CCT4: variants seen among roughly 807,000 people sequenced by gnomAD.
CCT4 encodes the protein chaperonin containing TCP1 subunit 4, also known as T-complex protein 1 subunit delta.
In CCT4, 17 loss-of-function variants were observed where a neutral mutation model predicts 62.5. The ratio of observed to expected loss-of-function variants is 0.27; its 90% confidence interval spans 0.19 to 0.41. CCT4 has a LOEUF of 0.41. Ranked by LOEUF, CCT4 falls within the 10% of genes least tolerant of loss-of-function variation. CCT4 has a pLI of 1.00. For missense variants in CCT4, 592 were observed against 659.2 expected, an observed-to-expected ratio of 0.90 and a Z score of 1.12; for synonymous variants, 250 against 229.9, an observed-to-expected ratio of 1.09 and a Z score of -0.79.
chr2:61,873,642 T>TGCAACC (rs1668933039), intron 8 of CCT4, among the ~76,000 whole-genome samples: 1 of 152,166 alleles, frequency 6.6e-6, no homozygotes, highest in Non-Finnish European at 1.5e-5. Context: ...CTTGGCTCAC[T>TGCAACC]GCAACCTCAA....
At position 61,888,560 on chromosome 2, in the gene CCT4, T is replaced by C; in HGVS notation, c.-53A>G. ...TCGGGAAGGACGGATGGACCCGGAT[T>C]CTGGCCGGCCGCAGTGTAATAACGG... is the stretch of plus-strand genomic sequence containing the variant. On this transcript the variant is annotated 5_prime_UTR_variant, in exon 1 of 14. Transcript: ENST00000394440. 9 of 1,585,250 alleles carry C rather than the reference T, an allele frequency of 5.7e-6. No homozygotes were observed. In the South Asian group the frequency reaches 1.0e-4, roughly 18 times the overall value.
intron 1 of CCT4, among the ~76,000 whole-genome samples, chr2:61,886,663 C>G (rs1000089758): frequency 6.6e-5 from 10 of 152,168 alleles, no homozygotes; most frequent in African/African-American, 2.4e-4. Context: ...TCTGTTGTTT[C>G]AGTTCTTTGT....
intron 7 of CCT4, among the ~76,000 whole-genome samples, 180 bp downstream of exon 7, chr2:61,876,740 C>T (rs928332565): frequency 6.6e-6 from 1 of 152,170 alleles, no homozygotes; most frequent in African/African-American, 2.4e-5. Context: ...TTCAATATCC[C>T]AACTGAGGAT....
At chr2:61,883,581 G>T in intron 2 of CCT4, 33 bp from the exon 3 acceptor site, 4 of 1,003,988 alleles carry the variant, frequency 4.0e-6, no homozygotes, top group East Asian at 2.4e-5. Flanking sequence ...ATATTTCAAT[G>T]TCACACCTTA....
At chr2:61,871,039 T>G (rs1230402759) in intron 12 of CCT4, among the ~76,000 whole-genome samples, 1 of 150,902 alleles carries the variant, frequency 6.6e-6, no homozygotes, top group Non-Finnish European at 1.5e-5. Context: ...TAGTTTTTTT[T>G]TTTTTTTTTT....
intron 1 of CCT4, 88 bp downstream of exon 1, chr2:61,888,293 T>C (rs770881634): frequency 1.4e-6 from 2 of 1,459,816 alleles, no homozygotes; most frequent in East Asian, 2.5e-5. Flanking sequence ...CCCGAAGAAA[T>C]GGGAAATGAG....
chr2:61,881,878 A>G (rs2421442), intron 3 of CCT4, among the ~76,000 whole-genome samples: 60,031 of 146,090 alleles, frequency 0.41, 12,126 homozygotes, highest in Middle Eastern at 0.5. Context: ...TGTAAAAAAA[A>G]AAAATTTTTT....
rs1668919402 is a variant in CCT4 at position 61,873,095 on chromosome 2, T to C, written c.1032A>G (p.Pro344=). The change falls in exon 10 of 14, where the codon CCA becomes CCG. Residue 344 remains proline (P), a synonymous_variant. Coordinates refer to ENST00000394440, the MANE Select transcript of CCT4 (RefSeq NM_006430.4). ...CAGTAAATTGGTCAATATGAGCAAC[T>C]GGCTTGGTTCCAATTGTCTGGAAAA... ...EFICKTIGTK[P]VAHIDQFTAD... 1.3e-5 allele frequency: 21 copies of C among 1,609,448 alleles called. No individual in the cohort carries two copies. Among genetic ancestry groups the C allele is most frequent in the Non-Finnish European group, 1.6e-5 (19 of 1,175,820 alleles).
rs1558506928 is a variant in CCT4 at position 61,880,332 on chromosome 2, G to T, written c.333C>A (p.Ile111=). 1 of 1,606,662 alleles carries T rather than the reference G, an allele frequency of 6.2e-7. No homozygotes were observed. ...AAGAATCTAAGAGGGAGCCAGCAAT[G>T]ATGACTACTGATGTGGTGCCATCTC... is the stretch of plus-strand genomic sequence containing the variant. The part of the protein sequence containing the change: ...EAGDGTTSVV[I]IAGSLLDSCT... Residue 111 remains isoleucine, a synonymous_variant, in exon 4 of 14, where the codon ATC becomes ATA. Coordinates refer to ENST00000394440, the MANE Select transcript of CCT4 (RefSeq NM_006430.4).
chr2:61,874,510 C>G (rs1488628618), intron 8 of CCT4, among the ~76,000 whole-genome samples: 1 of 151,506 alleles, frequency 6.6e-6, no homozygotes, highest in African/African-American at 2.4e-5. Context: ...TTTCAGGAGG[C>G]TGAGGAAGGA....
intron 3 of CCT4, among the ~76,000 whole-genome samples, chr2:61,881,249 T>C (rs1187936553): frequency 1.3e-5 from 2 of 152,162 alleles, no homozygotes; most frequent in African/African-American, 4.8e-5. Flanking sequence ...CTTATTTTCC[T>C]ATAATAATCA....
chr2:61,875,619 T>A (rs532743874), intron 8 of CCT4, among the ~76,000 whole-genome samples: 3 of 151,696 alleles, frequency 2.0e-5, no homozygotes, highest in East Asian at 3.9e-4. Flanking sequence ...AAATTGCTAT[T>A]AGAAGTGTGG....
intron 5 of CCT4, among the ~76,000 whole-genome samples, chr2:61,878,170 G>C (rs1037235413): frequency 6.6e-6 from 1 of 152,120 alleles, no homozygotes; most frequent in Non-Finnish European, 1.5e-5. Flanking sequence ...CAAACAAAAT[G>C]AATGTATGGA....
chr2:61,875,379 C>A (rs1668976123), intron 8 of CCT4, among the ~76,000 whole-genome samples: 1 of 151,600 alleles, frequency 6.6e-6, no homozygotes, highest in Non-Finnish European at 1.5e-5. Context: ...GAGATCGAGA[C>A]CATCCTGGCT....
At position 61,883,773 on chromosome 2, in the gene CCT4, G is replaced by GACAGACACACACACACAC. The variant is rs1216181852; in HGVS notation, c.181-226_181-225insGTGTGTGTGTGTGTCTGT. On this transcript the variant is annotated intron_variant, in intron 2 of 13. Transcript: ENST00000394440. ...GGTAATCTAAAAGTGAAGAAATGTA[G>GACAGACACACACACACAC]ACACACACACACACACACACACACA... 6.9e-5 allele frequency among the ~76,000 whole-genome samples: 10 copies of GACAGACACACACACACAC among 143,938 alleles called. No individual in the cohort carries two copies. In the East Asian group the frequency reaches 1.1e-3, roughly 15 times the overall value. The allele number at this position is 143,938 out of a possible 152,430, so 94.4% of individuals were successfully genotyped here.
At chr2:61,884,577 G>A (rs1329051351) in intron 2 of CCT4, among the ~76,000 whole-genome samples, 3 of 151,760 alleles carry the variant, frequency 2.0e-5, no homozygotes, top group African/African-American at 7.3e-5. Flanking sequence ...CCAAAGTGCT[G>A]GAATTACAGG....
chr2:61,870,740 G>GA (rs1668866486), intron 12 of CCT4, among the ~76,000 whole-genome samples: 2 of 152,166 alleles, frequency 1.3e-5, no homozygotes, highest in South Asian at 4.1e-4. Context: ...GCAACACAGT[G>GA]AAACACCATA....
intron 3 of CCT4, among the ~76,000 whole-genome samples, chr2:61,882,919 C>T (rs1669150205): frequency 6.6e-6 from 1 of 151,850 alleles, no homozygotes; most frequent in Non-Finnish European, 1.5e-5. Flanking sequence ...CCTCCCATGT[C>T]AGCCTATGGA....
rs775163362 is a variant in CCT4, at chr2:61,878,955, C to T, written c.436G>A (p.Glu146Lys). 2.5e-6 allele frequency: 4 copies of T among 1,611,018 alleles called. No individual in the cohort carries two copies. The highest frequency in any genetic ancestry group is 3.4e-6 in the Non-Finnish European group (4 of 1,178,206). ...GGTCGAGACATGTCAGTCAAGATTT[C>T]AATGCCCTTTTCCAGGGCCTTCTGG... Reference protein sequence around the residue: ...SFQKALEKGIEILTDMSRPVE... With the variant: ...SFQKALEKGIKILTDMSRPVE... Residue 146 changes from glutamate to lysine, a missense_variant, in exon 5 of 14, where the codon GAA becomes AAA. Physicochemically the swap from Glu to Lys is moderately conservative, Grantham distance 56. Transcript: ENST00000394440.
Sources: gnomAD v4.1 joint callset for allele counts (sites outside exome capture counted in the v4.1 genomes callset) on GRCh38, gnomAD v4.1.1 for gene constraint, MANE v1.5 for transcripts, NCBI Gene and HGNC (gene_info 2026-07-23, HGNC 2026-07-21) for gene names.